DLGAP4: variants seen among roughly 807,000 people sequenced by gnomAD.
The protein encoded by DLGAP4 is disks large-associated protein 4.
A neutral mutation model predicts 86.9 loss-of-function variants in DLGAP4; 18 were observed. The ratio of observed to expected loss-of-function variants is 0.21; its 90% CI spans 0.14 to 0.31. The LOEUF (loss-of-function observed/expected upper bound fraction) is 0.31. Ranked by LOEUF, DLGAP4 falls within the 10% of genes least tolerant of loss-of-function variation. DLGAP4 has a pLI of 1.00. For missense variants in DLGAP4, 1,085 were observed against 1,362.6 expected, an observed-to-expected ratio of 0.80 and a Z score of 3.21; for synonymous variants, 548 against 574.3, an observed-to-expected ratio of 0.95 and a Z score of 0.65.
chr20:36,408,808 G>T (rs1038600693), intron 2 of DLGAP4, among the ~76,000 whole-genome samples: 48 of 152,160 alleles, frequency 3.2e-4, no homozygotes, highest in African/African-American at 1.1e-3. Context: ...AATGCAATGC[G>T]GTATCCTCGA....
rs368335870 is a variant in DLGAP4 at position 36,365,840 on chromosome 20, C to G, written c.-303-1205C>G. Among the ~76,000 whole-genome samples the G allele has an allele frequency of 3.3e-5, 5 of 152,146 alleles. No homozygotes were observed. In the East Asian group the frequency reaches 9.6e-4, roughly 29 times the overall value. ...CTCCTTATTCCTCCCATCCCAGAGC[C>G]CCCTAGACCTGGACCTCTCCTCTCA... On this transcript the variant is annotated intron_variant, in intron 1 of 12. Transcript: ENST00000339266.
chr20:36,404,399 A>G (rs1166116425), intron 2 of DLGAP4, among the ~76,000 whole-genome samples: 1 of 152,168 alleles, frequency 6.6e-6, no homozygotes, highest in African/African-American at 2.4e-5. Flanking sequence ...AGAGGCACCA[A>G]TGCAGGCTGC....
At chr20:36,341,336 C>T (rs782407331) in intron 1 of DLGAP4, among the ~76,000 whole-genome samples, 2 of 152,192 alleles carry the variant, frequency 1.3e-5, no homozygotes, top group Non-Finnish European at 2.9e-5. Context: ...TCATGACTTA[C>T]AATTGTTTTG....
intron 2 of DLGAP4, among the ~76,000 whole-genome samples, chr20:36,430,880 G>A (rs558069727): frequency 3.5e-4 from 53 of 151,284 alleles, no homozygotes; most frequent in African/African-American, 1.2e-3. Context: ...ACTTGAACCC[G>A]GGAGACGGAG....
chr20:36,387,661 G>A (rs2031644355), intron 2 of DLGAP4, among the ~76,000 whole-genome samples: 1 of 152,118 alleles, frequency 6.6e-6, no homozygotes, highest in Non-Finnish European at 1.5e-5. Flanking sequence ...ATCAAGTTTA[G>A]GTCTTTTATC....
At chr20:36,371,283 T>C (rs571044009) in intron 2 of DLGAP4, among the ~76,000 whole-genome samples, 2 of 152,314 alleles carry the variant, frequency 1.3e-5, no homozygotes, top group South Asian at 4.1e-4. Flanking sequence ...ATCTCTTCAT[T>C]CATGCGTTCC....
Position 36,439,996 on chromosome 20 carries a change from G to A in DLGAP4, c.1356+128G>A, listed in dbSNP as rs2033400766. ...GATGTCTGCACTGTGCTTCTGTTTG[G>A]TCCTTGTTCCTGAAGCCTCCTGTGT... is the stretch of plus-strand genomic sequence containing the variant. On this transcript the variant is annotated intron_variant, in intron 5 of 12. Transcript: ENST00000339266. 3 of 800,642 alleles carry A rather than the reference G, an allele frequency of 3.7e-6. No individual in the cohort carries two copies. In the East Asian group the frequency reaches 8.2e-5, roughly 22 times the overall value. 49.6% of individuals were successfully genotyped at this position (800,642 alleles called of 1,614,324 possible).
chr20:36,334,082 C>T (rs545935702), intron 1 of DLGAP4, among the ~76,000 whole-genome samples: 2 of 152,358 alleles, frequency 1.3e-5, no homozygotes, highest in East Asian at 3.9e-4. Flanking sequence ...CTCTGTGTGC[C>T]AGGCACAGGG....
chr20:36,520,259 A>T (rs1341834692), intron 10 of DLGAP4, among the ~76,000 whole-genome samples: 1 of 152,066 alleles, frequency 6.6e-6, no homozygotes, highest in Non-Finnish European at 1.5e-5. Flanking sequence ...GAATTCTTAT[A>T]TATATATATT....
chr20:36,449,953 A>G (rs1325824153), intron 7 of DLGAP4, among the ~76,000 whole-genome samples: 1 of 152,250 alleles, frequency 6.6e-6, no homozygotes, highest in Admixed American at 6.5e-5. Flanking sequence ...GGGACCAAAG[A>G]GTCCTCCTGG....
intron 2 of DLGAP4, among the ~76,000 whole-genome samples, chr20:36,371,794 A>G (rs2030949502): frequency 1.3e-5 from 2 of 152,132 alleles, no homozygotes; most frequent in Non-Finnish European, 2.9e-5. Context: ...CAGCATGGGT[A>G]GCATTATATC....
intron 7 of DLGAP4, among the ~76,000 whole-genome samples, chr20:36,449,383 C>T (rs938289647): frequency 1.2e-4 from 19 of 152,360 alleles, no homozygotes; most frequent in South Asian, 1.0e-3. Flanking sequence ...CCTTTGCCTT[C>T]TGGGACTCTG....
Position 36,476,262 on chromosome 20 carries a change from C to T in DLGAP4, c.1649-20443C>T, listed in dbSNP as rs116139385. The stretch of plus-strand genomic sequence containing the variant: ...TCTTCATCTTCCCAAACTGAAACTC[C>T]GTGCCTATTAAACACTAACTCCCCA... On this transcript the variant is annotated intron_variant, in intron 7 of 12. Transcript: ENST00000339266. Among the ~76,000 whole-genome samples, 903 of 151,524 alleles carry T rather than the reference C, an allele frequency of 6.0e-3. 11 individuals are homozygous for T. The highest frequency in any genetic ancestry group is 0.021 in the African/African-American group (863 of 41,260).
At chr20:36,497,587 C>G (rs921045430) in intron 8 of DLGAP4, 2 of 987,870 alleles carry the variant, frequency 2.0e-6, no homozygotes, top group African/African-American at 1.7e-5. Context: ...AGAGCCCTCT[C>G]GGGCCTTGGG....
At chr20:36,513,314 C>T (rs977571725) in intron 10 of DLGAP4, among the ~76,000 whole-genome samples, 24 of 150,224 alleles carry the variant, frequency 1.6e-4, no homozygotes, top group African/African-American at 3.9e-4. Context: ...TTTGGGAGGC[C>T]GAGGCGGGTG....
chr20:36,429,783 G>C (rs1024806468), intron 2 of DLGAP4, among the ~76,000 whole-genome samples: 1 of 152,178 alleles, frequency 6.6e-6, no homozygotes, highest in African/African-American at 2.4e-5. Flanking sequence ...CCCATCTCAA[G>C]ATCCTTAATC....
In DLGAP4 at chr20:36,345,898, C is replaced by T. The variant is rs143309293; in HGVS notation, c.-303-21147C>T. The stretch of plus-strand genomic sequence containing the variant: ...TCAGCCTCCCAAGTAGCTGGGACTA[C>T]AGGCACTTACCACCACACCAGGCTA... On this transcript the variant is annotated intron_variant, in intron 1 of 12. Transcript: ENST00000339266. 2.1e-3 allele frequency among the ~76,000 whole-genome samples: 320 copies of T among 152,290 alleles called. 2 individuals carry two copies. Among genetic ancestry groups the T allele is most frequent in the African/African-American group, 7.4e-3 (308 of 41,574 alleles).
chr20:36,334,359 G>A (rs1014669318), intron 1 of DLGAP4, among the ~76,000 whole-genome samples: 1 of 152,150 alleles, frequency 6.6e-6, no homozygotes, highest in Non-Finnish European at 1.5e-5. Flanking sequence ...CAAAGGCCAC[G>A]AGGTGAGAGA....
At chr20:36,478,822 C>T (rs544890441) in intron 7 of DLGAP4, among the ~76,000 whole-genome samples, 8 of 152,330 alleles carry the variant, frequency 5.3e-5, no homozygotes, top group Admixed American at 2.0e-4. Context: ...TTCAACCTCT[C>T]TGAGCCTCCT....
Sources: gnomAD v4.1 joint callset for allele counts (sites outside exome capture counted in the v4.1 genomes callset) on GRCh38, gnomAD v4.1.1 for gene constraint, MANE v1.5 for transcripts, NCBI Gene and HGNC (gene_info 2026-07-23, HGNC 2026-07-21) for gene names.